The following PCDHGA7 variants were observed in gnomAD, a reference collection of about 807,000 sequenced individuals.
The protein encoded by PCDHGA7 is protocadherin gamma subfamily A, 7.
In PCDHGA7, 44 loss-of-function variants were observed where a neutral mutation model predicts 58.3. The ratio of observed to expected loss-of-function variants is 0.75; its 90% CI spans 0.59 to 0.97. The LOEUF is 0.97. PCDHGA7 is among the 50% of genes least tolerant of loss of function. PCDHGA7 has a pLI of 0.00. For missense variants in PCDHGA7, 1,266 were observed against 1,188.7 expected (o/e 1.06, Z -0.96); for synonymous variants, 516 against 504.2 (o/e 1.02, Z -0.31).
chr5:141,420,547 G>A (rs898726649), intron 1 of PCDHGA7: 1 of 278,678 alleles, frequency 3.6e-6, no homozygotes, highest in Non-Finnish European at 6.4e-6. Context: ...TAAAATACAG[G>A]TATATTTTTA....
chr5:141,468,339 A>G (rs1320544911), intron 1 of PCDHGA7: 2 of 151,348 alleles, frequency 1.3e-5, no homozygotes, highest in Non-Finnish European at 2.9e-5. Context: ...TCAAAAAAAA[A>G]AAAAAAAAAA....
chr5:141,494,815 G>T lies in PCDHGA7; in HGVS notation c.2433G>T (p.Pro811=). The change falls in exon 2 of 4, where the codon CCG becomes CCT. Residue 811 remains proline, a synonymous_variant. Transcript: ENST00000518325. ...CTCTGTTTTCTCCACAGCAAGCCCC[G>T]CCCAACACGGACTGGCGTTTCTCTC... The part of the protein sequence containing the change: ...KENLPSIQQA[P]PNTDWRFSQA... 1.2e-6 allele frequency: 2 copies of T among 1,613,976 alleles called. No individual in the cohort carries two copies. The highest frequency in any genetic ancestry group is 1.1e-5 in the South Asian group (1 of 91,072).
Position 141,450,006 on chromosome 5 carries a change from C to CTATTTTTT in PCDHGA7, c.2425-44800_2425-44799insATTTTTTT, listed in dbSNP as rs70988802. Among the ~76,000 whole-genome samples the CTATTTTTT allele has an allele frequency of 4.4e-4, 58 of 132,942 alleles. 2 individuals carry two copies. The highest frequency in any genetic ancestry group is 8.4e-4 in the African/African-American group (30 of 35,608). The allele number at this position is 132,942 out of a possible 152,430, so 87.2% of individuals were successfully genotyped here. A position where few individuals can be genotyped will look rare whatever the true frequency, so the allele number is the denominator to read the frequency against. ...CACATTGCATTTAGTTGCCATGTCT[C>CTATTTTTT]TTTTTTTTTTTTTTTTTTGAGACAG... On this transcript the variant is annotated intron_variant, in intron 1 of 3. Coordinates refer to ENST00000518325, the MANE Select transcript of PCDHGA7 (RefSeq NM_018920.4).
chr5:141,441,041 C>T (rs2098220628), intron 1 of PCDHGA7: 1 of 152,152 alleles, frequency 6.6e-6, no homozygotes, highest in African/African-American at 2.4e-5. Context: ...ACTTTAAGTA[C>T]ATTGGACTTT....
chr5:141,406,647 A>G (rs2094834813), intron 1 of PCDHGA7, among the ~76,000 whole-genome samples: 1 of 152,182 alleles, frequency 6.6e-6, no homozygotes, highest in Non-Finnish European at 1.5e-5. Context: ...TAATTTCCTA[A>G]TGCTTTAATG....
chr5:141,503,763 T>C (rs1014883264), intron 2 of PCDHGA7, among the ~76,000 whole-genome samples: 1 of 152,174 alleles, frequency 6.6e-6, no homozygotes, highest in Non-Finnish European at 1.5e-5. Context: ...ATGGCAGCCT[T>C]GTGTCTGTTC....
At chr5:141,484,626 C>T (rs1306600907) in intron 1 of PCDHGA7, among the ~76,000 whole-genome samples, 1 of 151,972 alleles carries the variant, frequency 6.6e-6, no homozygotes, top group African/African-American at 2.4e-5. Context: ...CTGGCTTGAA[C>T]AAAGTGACCA....
chr5:141,502,518 T>C (rs1388007900), intron 2 of PCDHGA7, among the ~76,000 whole-genome samples: 1 of 152,184 alleles, frequency 6.6e-6, no homozygotes, highest in Non-Finnish European at 1.5e-5. Flanking sequence ...CCACTATCAG[T>C]GATGCCGAGT....
In PCDHGA7 at chr5:141,384,280, A is replaced by G. The variant is rs1779919886; in HGVS notation, c.1381A>G (p.Ile461Val). ...TFPHSSYSVY[I>V]AENNPRGASI... The stretch of plus-strand genomic sequence containing the variant: ...CCCCCACTCATCCTACTCAGTCTAC[A>G]TCGCTGAGAACAACCCCAGAGGGGC... The change falls in exon 1 of 4, where the codon ATC (isoleucine) becomes GTC (valine). Residue 461 changes from isoleucine (I) to valine (V), a missense_variant. Coordinates refer to ENST00000518325, the MANE Select transcript of PCDHGA7 (RefSeq NM_018920.4). 2 of 1,613,714 alleles carry G rather than the reference A, an allele frequency of 1.2e-6. No homozygotes were observed. Among genetic ancestry groups the G allele is most frequent in the Non-Finnish European group, 1.7e-6 (2 of 1,179,890 alleles).
At position 141,384,576 on chromosome 5, in the gene PCDHGA7, G is replaced by C. The variant is rs757254740; in HGVS notation, c.1677G>C (p.Pro559=). The C allele has an allele frequency of 1.9e-6, 3 of 1,614,178 alleles. No homozygotes were observed. The highest frequency in any genetic ancestry group is 1.7e-5 in the Admixed American group (1 of 60,028). ...TCGTGCTGGACCAGAATGACAACCCGCCCGAGATCCTGTACCCGGCCCTCC... is the reference window on the plus strand; with the variant it reads ...TCGTGCTGGACCAGAATGACAACCCCCCCGAGATCCTGTACCCGGCCCTCC... ...SLFVLDQNDN[P]PEILYPALPT... Residue 559 remains proline, a synonymous_variant, in exon 1 of 4, where the codon CCG becomes CCC. Transcript: ENST00000518325.
intron 1 of PCDHGA7, among the ~76,000 whole-genome samples, chr5:141,456,379 C>A (rs181915740): frequency 1.3e-5 from 2 of 152,162 alleles, no homozygotes; most frequent in East Asian, 3.9e-4. Context: ...GTTTACAGCA[C>A]CGTTTGGAGT....
chr5:141,412,893 A>C (rs1190008207), intron 1 of PCDHGA7: 6 of 340,884 alleles, frequency 1.8e-5, no homozygotes, highest in Non-Finnish European at 2.6e-5. Flanking sequence ...AGAATAGTTT[A>C]CTTTCCATTG....
At chr5:141,428,001 T>G (rs149531447) in intron 1 of PCDHGA7, 10 of 1,601,704 alleles carry the variant, frequency 6.2e-6, no homozygotes, top group Non-Finnish European at 8.5e-6. Flanking sequence ...CTCCGCACTC[T>G]TCGATATAGT....
intron 1 of PCDHGA7, among the ~76,000 whole-genome samples, chr5:141,461,181 A>T (rs1322465700): frequency 1.3e-5 from 2 of 152,104 alleles, no homozygotes; most frequent in Non-Finnish European, 2.9e-5. Flanking sequence ...ATTGAATGGT[A>T]GATCTGTTTT....
intron 1 of PCDHGA7, among the ~76,000 whole-genome samples, chr5:141,447,450 C>G (rs540357899): frequency 1.3e-5 from 2 of 152,082 alleles, no homozygotes; most frequent in African/African-American, 2.4e-5. Context: ...AATTTTTAAC[C>G]TCAGTTTTTC....
chr5:141,499,689 CTTTTTTTTTTTT>C (rs545067566), intron 2 of PCDHGA7, among the ~76,000 whole-genome samples: 1 of 119,856 alleles, frequency 8.3e-6, no homozygotes, highest in Non-Finnish European at 1.7e-5. Flanking sequence ...TAACAGATGA[CTTTTTTTTTTTT>C]TTTTTTTTTT....
rs984222446 is a variant in PCDHGA7 at position 141,493,942 on chromosome 5, G to T, written c.2425-865G>T. ...ACACACCCCCTGGAAAGACCAGAAG[G>T]GACTCAGGAATGAAGTGGCTGGCCA... On this transcript the variant is annotated intron_variant, in intron 1 of 3. Transcript: ENST00000518325. The surrounding 1 kb of genome is among the most constrained non-coding windows in gnomAD (Gnocchi z 4.3). Among the ~76,000 whole-genome samples the T allele has an allele frequency of 1.3e-5, 2 of 152,168 alleles. No individual in the cohort carries two copies. Among genetic ancestry groups the T allele is most frequent in the Non-Finnish European group, 1.5e-5 (1 of 68,022 alleles).
chr5:141,404,840 C>G lies in PCDHGA7; in HGVS notation c.2424+19517C>G, dbSNP rs377389968. ...GCACACAGGTGAAGTGCGCACAGCT[C>G]GGGCCCTGCTAGATAGAGATGCGCT... is the stretch of plus-strand genomic sequence containing the variant. On this transcript the variant is annotated intron_variant, in intron 1 of 3. Transcript: ENST00000518325. 4 of 1,613,698 alleles carry G rather than the reference C, an allele frequency of 2.5e-6. No individual in the cohort carries two copies. In the Admixed American group the frequency reaches 5.0e-5, roughly 20 times the overall value.
chr5:141,431,724 T>G lies in PCDHGA7; in HGVS notation c.2424+46401T>G, dbSNP rs758754345. On this transcript the variant is annotated intron_variant, in intron 1 of 3. Transcript: ENST00000518325. The surrounding 1 kb of genome is among the most constrained non-coding windows in gnomAD (Gnocchi z 4.8). ...TTCTACCAGATGGAAGTGCAAGCAA[T>G]GGATAATGCAGGATATTCTGCGCGA... 1 of 1,614,036 alleles carries G rather than the reference T, an allele frequency of 6.2e-7. No individual in the cohort carries two copies. Among genetic ancestry groups the G allele is most frequent in the Non-Finnish European group, 8.5e-7 (1 of 1,180,036 alleles).
Sources: gnomAD v4.1 joint callset for allele counts (sites outside exome capture counted in the v4.1 genomes callset) on GRCh38, gnomAD v4.1.1 for gene constraint, Gnocchi (gnomAD v3.1) non-coding constraint, MANE v1.5 for transcripts, NCBI Gene and HGNC (gene_info 2026-07-23, HGNC 2026-07-21) for gene names.